Variants in NCOR2 observed in about 807,000 individuals in gnomAD.
NCOR2 encodes the protein nuclear receptor corepressor 2, also known as CTG repeat protein 26.
In NCOR2, 81 loss-of-function variants were observed where a neutral mutation model predicts 262.9. That is an observed-to-expected ratio of 0.31 (90% confidence interval 0.26 to 0.37). The LOEUF is 0.37. Among genes scored for constraint, NCOR2 ranks in the 10% least tolerant of loss-of-function variants. NCOR2 has a pLI of 1.00. For missense variants in NCOR2, 3,385 were observed against 3,621.4 expected (o/e 0.93, Z 1.68); for synonymous variants, 1,659 against 1,559.3 (o/e 1.06, Z -1.51).
Position 124,350,602 on chromosome 12 carries a change from C to T in NCOR2, c.3829G>A (p.Val1277Ile), listed in dbSNP as rs753818416. The T allele has an allele frequency of 2.3e-5, 37 of 1,613,710 alleles. No homozygotes were observed. Among genetic ancestry groups the T allele is most frequent in the Middle Eastern group, 1.6e-4 (1 of 6,082 alleles). Residue 1277 changes from valine (V) to isoleucine (I), a missense_variant, in exon 28 of 47, where the codon GTC (valine) becomes ATC (isoleucine). Around this residue, in one of 5 missense-constraint regions of NCOR2, gnomAD observed 1,615 missense variants for 1,626.9 expected, o/e 0.99. Coordinates refer to ENST00000405201, the Ensembl canonical transcript of NCOR2. The stretch of plus-strand genomic sequence containing the variant: ...TGCGACTCACCCTCATAGGACAAGA[C>T]GTGGCCCTTCTTGCCTTCGTAGATG...
chr12:124,392,313 A>AT (rs2041362213), intron 16 of NCOR2, among the ~76,000 whole-genome samples: 2 of 152,074 alleles, frequency 1.3e-5, no homozygotes, highest in South Asian at 4.2e-4. Flanking sequence ...AGAAACCCCA[A>AT]TTTTTTCCTC....
In NCOR2 at chr12:124,531,175, C is replaced by T. The variant is rs752803830; in HGVS notation, c.-118+4390G>A. On this transcript the variant is annotated intron_variant, in intron 1 of 46. Transcript: ENST00000404621. This position sits in a 1 kb window ranked among gnomAD's most constrained non-coding sequence, Gnocchi z 4.5. The stretch of plus-strand genomic sequence containing the variant: ...GAGAAGGACGTCTGGGAGGCATCCA[C>T]CAACTCATGCTGAACAACAGTCCAG... Among the ~76,000 whole-genome samples, 2 of 152,172 alleles carry T rather than the reference C, an allele frequency of 1.3e-5. No individual in the cohort carries two copies. The highest frequency in any genetic ancestry group is 2.4e-5 in the African/African-American group (1 of 41,436).
At position 124,457,873 on chromosome 12, in the gene NCOR2, C is replaced by T. The variant is rs1482150960; in HGVS notation, c.706-711G>A. Among the ~76,000 whole-genome samples the T allele has an allele frequency of 6.6e-6, 1 of 152,204 alleles. No homozygotes were observed. The highest frequency in any genetic ancestry group is 1.9e-4 in the East Asian group (1 of 5,188). ...CCCACCAGCCCGCAGCCTGGGACCA[C>T]CAGGGTCCACTCACAGGAGGCCTGG... On this transcript the variant is annotated intron_variant, in intron 5 of 46. Transcript: ENST00000405201. This position sits in a 1 kb window ranked among gnomAD's most constrained non-coding sequence, Gnocchi z 4.0.
At chr12:124,429,791 C>T (rs1265647876) in intron 9 of NCOR2, 85 bp from the exon 12 acceptor site, 16 of 1,289,280 alleles carry the variant, frequency 1.2e-5, no homozygotes, top group East Asian at 2.5e-5. Context: ...CCTGAGCCCA[C>T]GCCCTCCCCA....
In NCOR2 at chr12:124,457,199, A is replaced by T; in HGVS notation, c.706-37T>A. ...TGGCGAAGAGGAGGAATTTTTTTAA[A>T]AAACAAAAAAACACAGATTATAAAT... On this transcript the variant is annotated intron_variant, in intron 5 of 46. Transcript: ENST00000405201. The surrounding 1 kb of genome is among the most constrained non-coding windows in gnomAD (Gnocchi z 4.0). The T allele has an allele frequency of 2.6e-6, 4 of 1,532,746 alleles. No individual in the cohort carries two copies. The highest frequency in any genetic ancestry group is 3.5e-6 in the Non-Finnish European group (4 of 1,148,182). The allele number at this position is 1,532,746 out of a possible 1,614,324, so 94.9% of individuals were successfully genotyped here. A position where few individuals can be genotyped will look rare whatever the true frequency, so the allele number is the denominator to read the frequency against.
chr12:124,341,243 CTTT>C (rs757260730), intron 34 of NCOR2, among the ~76,000 whole-genome samples: 2 of 145,988 alleles, frequency 1.4e-5, no homozygotes, highest in South Asian at 2.2e-4. Flanking sequence ...ACATTTTCAT[CTTT>C]TTTTTTTTTT....
chr12:124,530,255 T>C (rs1460610125), intron 1 of NCOR2: 1 of 148,254 alleles, frequency 6.7e-6, no homozygotes, highest in African/African-American at 2.5e-5. Flanking sequence ...AAAGCTTCTA[T>C]AACAGCAGAT....
At chr12:124,327,370 T>A (rs1215292531) in intron 45 of NCOR2, 39 bp downstream of exon 47, 1 of 1,150,430 alleles carries the variant, frequency 8.7e-7, no homozygotes, top group Admixed American at 3.0e-5. Flanking sequence ...ACACCGGGGG[T>A]GGGGACAGAC....
chr12:124,509,967 C>G (rs964834257), intron 1 of NCOR2, among the ~76,000 whole-genome samples: 1 of 152,160 alleles, frequency 6.6e-6, no homozygotes, highest in African/African-American at 2.4e-5. Flanking sequence ...ACCGCAGAAC[C>G]AAATGTGCTG....
At chr12:124,541,855 G>C (rs1467590147) in intron 1 of NCOR2, among the ~76,000 whole-genome samples, 1 of 56,274 alleles carries the variant, frequency 1.8e-5, no homozygotes, top group African/African-American at 6.4e-5. Flanking sequence ...GATGGAGGGG[G>C]TGGGGAGTGG....
chr12:124,333,887 T>TGTGTGTGTGTGCGCGC (rs1491182009), intron 41 of NCOR2, among the ~76,000 whole-genome samples: 1 of 10,118 alleles, frequency 9.9e-5, no homozygotes, highest in Admixed American at 1.7e-3. Flanking sequence ...CGGGTGTGCA[T>TGTGTGTGTGTGCGCGC]GTGTGTGTGC....
At chr12:124,352,009 G>A (rs1011163504) in intron 27 of NCOR2, among the ~76,000 whole-genome samples, 2 of 152,154 alleles carry the variant, frequency 1.3e-5, no homozygotes, top group Non-Finnish European at 2.9e-5. Flanking sequence ...TTTGCGGAGG[G>A]CAACAGCAAG....
intron 1 of NCOR2, among the ~76,000 whole-genome samples, chr12:124,546,198 C>T (rs138797961): frequency 5.3e-5 from 8 of 152,248 alleles, no homozygotes; most frequent in East Asian, 1.9e-4. Context: ...GTTTCCTCGC[C>T]GTAAAATAGA....
chr12:124,496,939 G>A (rs766262313), upstream of NCOR2, among the ~76,000 whole-genome samples: 12 of 152,210 alleles, frequency 7.9e-5, no homozygotes, highest in Non-Finnish European at 1.3e-4. This position sits in a 1 kb window ranked among gnomAD's most constrained non-coding sequence, Gnocchi z 4.4. Flanking sequence ...CTGGAGCTCT[G>A]GGGGCCACCA....
chr12:124,562,454 C>A lies in NCOR2; in HGVS notation c.-165+4854G>T, dbSNP rs2052103142. ...AAATGGAAGCACGATTCAAACCCTG[C>A]TCCTTTTTTCAGAGACCAGGAGCAG... On this transcript the variant is annotated intron_variant, in intron 1 of 32. Transcript: ENST00000458234. 2.0e-5 allele frequency among the ~76,000 whole-genome samples: 3 copies of A among 152,334 alleles called. No individual in the cohort carries two copies. The South Asian group carries it at 6.2e-4, about 32-fold the overall frequency.
chr12:124,422,654 G>A lies in NCOR2; in HGVS notation c.1329-99C>T, dbSNP rs550229391. 14 of 1,439,346 alleles carry A rather than the reference G, an allele frequency of 9.7e-6. No homozygotes were observed. The East Asian group carries it at 3.1e-4, about 32-fold the overall frequency. 89.2% of individuals were successfully genotyped at this position (1,439,346 alleles called of 1,614,324 possible). ...GGCGCCTGCCATCCCCACTGGCCGGGCCTGGCGGGCACCGCCCCACTTGGA... is the reference window on the plus strand; with the variant it reads ...GGCGCCTGCCATCCCCACTGGCCGGACCTGGCGGGCACCGCCCCACTTGGA... On this transcript the variant is annotated intron_variant, in intron 11 of 46. Coordinates refer to ENST00000405201, the Ensembl canonical transcript of NCOR2.
exon 47 of NCOR2, chr12:124,324,922 G>A (rs78062905): frequency 1.9e-3 from 287 of 152,898 alleles, no homozygotes; most frequent in Non-Finnish European, 3.2e-3. Context: ...CGGAACGAGC[G>A]CACTGGGGGC....
chr12:124,554,025 C>T (rs988380803), intron 1 of NCOR2, among the ~76,000 whole-genome samples: 2 of 152,200 alleles, frequency 1.3e-5, no homozygotes, highest in Non-Finnish European at 2.9e-5. Context: ...GGTGACTACG[C>T]TCTCACAAAC....
exon 32 of NCOR2, chr12:124,344,714 G>C (rs2036772977): frequency 6.5e-7 from 1 of 1,540,866 alleles, no homozygotes; most frequent in Non-Finnish European, 8.8e-7. Context: ...GGCTTACCCA[G>C]CTCAGGCACA....
Sources: gnomAD v4.1 joint callset for allele counts (sites outside exome capture counted in the v4.1 genomes callset) on GRCh38, gnomAD v4.1.1 for gene constraint, gnomAD v4.1.1 regional missense constraint, Gnocchi (gnomAD v3.1) non-coding constraint, MANE v1.5 for transcripts, NCBI Gene and HGNC (gene_info 2026-07-23, HGNC 2026-07-21) for gene names.